The following ZNF318 variants were observed in gnomAD, a reference collection of about 807,000 sequenced individuals.
The protein encoded by ZNF318 is zinc finger protein 318.
Under a neutral mutation model 124.2 loss-of-function variants are expected in ZNF318, and 51 were observed. The observed-to-expected ratio is 0.41, with a 90% confidence interval of 0.33 to 0.52. The LOEUF (loss-of-function observed/expected upper bound fraction) is 0.52. Among genes scored for constraint, ZNF318 ranks in the 20% least tolerant of loss-of-function variants. The pLI, the probability that ZNF318 is intolerant of heterozygous loss-of-function variation, is 0.23. For missense variants in ZNF318, 2,815 were observed against 2,811.2 expected (o/e 1.00, Z -0.03); for synonymous variants, 1,090 against 1,040.7 (o/e 1.05, Z -0.91).
chr6:43,364,049 C>G (rs1016949519), intron 2 of ZNF318: 88 of 998,610 alleles, frequency 8.8e-5, no homozygotes, highest in Admixed American at 4.1e-4. Context: ...GCCCAAGAAG[C>G]TGCTCATGAT....
intron 6 of ZNF318, among the ~76,000 whole-genome samples, chr6:43,346,988 G>A (rs190187596): frequency 2.4e-4 from 37 of 152,224 alleles, no homozygotes; most frequent in Non-Finnish European, 4.6e-4. Context: ...TATAAAATCA[G>A]ATCTGTCATA....
Position 43,337,295 on chromosome 6 carries a change from A to C in ZNF318, c.6703T>G (p.Leu2235Val). 1 of 1,614,078 alleles carries C rather than the reference A, an allele frequency of 6.2e-7. No homozygotes were observed. Among genetic ancestry groups the C allele is most frequent in the Non-Finnish European group, 8.5e-7 (1 of 1,180,014 alleles). ...VDDDSGDPLNLVKAPVSRSPP... is the reference protein window; with the variant it reads ...VDDDSGDPLNVVKAPVSRSPP... ...GACCTTGACACTGGAGCTTTAACCA[A>C]ATTCAGAGGGTCGCCACTGTCATCA... Residue 2235 changes from leucine (L) to valine (V), a missense_variant, in exon 10 of 10, where the codon TTG becomes GTG. Physicochemically the swap from Leu to Val is conservative, Grantham distance 32. Around this residue, in one of 4 missense-constraint regions of ZNF318, gnomAD observed 927 missense variants for 820.6 expected, o/e 1.13. Coordinates refer to ENST00000361428, the MANE Select transcript of ZNF318 (RefSeq NM_014345.3).
intron 6 of ZNF318, among the ~76,000 whole-genome samples, chr6:43,346,330 A>AAT (rs1779442753): frequency 6.6e-6 from 1 of 152,020 alleles, no homozygotes; most frequent in African/African-American, 2.4e-5. Flanking sequence ...AAAATATAAA[A>AAT]ATTAGCCGGG....
intron 1 of ZNF318, 135 bp downstream of exon 1, chr6:43,368,832 G>A: frequency 8.1e-7 from 1 of 1,233,714 alleles, no homozygotes; most frequent in Non-Finnish European, 1.0e-6. Flanking sequence ...CTCCAGGCTC[G>A]GCATCCCCGA....
In ZNF318 at chr6:43,357,853, G is replaced by A. The variant is rs574071187; in HGVS notation, c.549-88C>T. The A allele has an allele frequency of 1.2e-5, 15 of 1,201,922 alleles. No homozygotes were observed. In the East Asian group the frequency reaches 3.0e-4, roughly 24 times the overall value. The allele number at this position is 1,201,922 out of a possible 1,614,324, so 74.5% of individuals were successfully genotyped here. A position where few individuals can be genotyped will look rare whatever the true frequency, so the allele number is the denominator to read the frequency against. On this transcript the variant is annotated intron_variant, in intron 2 of 9. Coordinates refer to ENST00000361428, the MANE Select transcript of ZNF318 (RefSeq NM_014345.3). ...TAAGAGACTGGTGTTTGTCAAGGGG[G>A]CTATAAAATGCTTAGGGCAAAAGAC...
At chr6:43,341,574 C>T (rs1287079476) in intron 8 of ZNF318, among the ~76,000 whole-genome samples, 2 of 151,474 alleles carry the variant, frequency 1.3e-5, no homozygotes, top group Admixed American at 1.3e-4. Flanking sequence ...GGGGTGAACC[C>T]GGGAGGCGGG....
Position 43,369,082 on chromosome 6 carries a change from C to G in ZNF318, c.284G>C (p.Gly95Ala). Residue 95 changes from glycine to alanine, a missense_variant, in exon 1 of 10, where the codon GGC becomes GCC. Coordinates refer to ENST00000361428, the MANE Select transcript of ZNF318 (RefSeq NM_014345.3). ...ARRGSPSPPR[G>A]RRLFPPGPAG... The stretch of plus-strand genomic sequence containing the variant: ...CGGGCCCGGCGGGAAGAGTCGTCGG[C>G]CCCGCGGTGGCGACGGGGAGCCGCG... 7.8e-7 allele frequency: 1 copy of G among 1,279,096 alleles called. No homozygotes were observed. The highest frequency in any genetic ancestry group is 3.1e-5 in the East Asian group (1 of 31,894). The allele number at this position is 1,279,096 out of a possible 1,614,324, so 79.2% of individuals were successfully genotyped here. A position where few individuals can be genotyped will look rare whatever the true frequency, so the allele number is the denominator to read the frequency against.
At chr6:43,342,931 T>C in intron 6 of ZNF318, 52 bp from the exon 7 acceptor site, 1 of 1,463,996 alleles carries the variant, frequency 6.8e-7, no homozygotes, top group Non-Finnish European at 9.3e-7. Context: ...TCTAGACTTG[T>C]CTTCTGTTAG....
intron 6 of ZNF318, among the ~76,000 whole-genome samples, chr6:43,343,130 A>G (rs957095423): frequency 2.0e-5 from 3 of 152,212 alleles, no homozygotes; most frequent in Non-Finnish European, 4.4e-5. Flanking sequence ...ATATCCTAAA[A>G]TATCTCTAGA....
chr6:43,365,747 G>A (rs1487647344), intron 1 of ZNF318, among the ~76,000 whole-genome samples: 3 of 152,182 alleles, frequency 2.0e-5, no homozygotes, highest in African/African-American at 7.2e-5. Flanking sequence ...CTGCACCACA[G>A]CACTTCAGCC....
Position 43,348,181 on chromosome 6 carries a change from G to A in ZNF318, c.3072+143C>T, listed in dbSNP as rs546219585. On this transcript the variant is annotated intron_variant, in intron 6 of 9. Coordinates refer to ENST00000361428, the MANE Select transcript of ZNF318 (RefSeq NM_014345.3). Reference sequence around the variant, plus strand: ...AACTATGCTGAAATTCTGAAGAGGAGTACCACACTCTGATCTATACTGTAA... The same window carrying A: ...AACTATGCTGAAATTCTGAAGAGGAATACCACACTCTGATCTATACTGTAA... The A allele has an allele frequency of 3.3e-5, 27 of 816,034 alleles. No individual in the cohort carries two copies. In the South Asian group the frequency reaches 3.9e-4, roughly 12 times the overall value. 50.5% of individuals were successfully genotyped at this position (816,034 alleles called of 1,614,324 possible). A position where few individuals can be genotyped will look rare whatever the true frequency, so the allele number is the denominator to read the frequency against.
intron 9 of ZNF318, 133 bp from the exon 10 acceptor site, chr6:43,340,635 T>C (rs1234983953): frequency 4.7e-6 from 7 of 1,497,766 alleles, no homozygotes; most frequent in African/African-American, 1.4e-5. Context: ...CGGGATGCTA[T>C]CTGCTGAGCA....
chr6:43,341,322 T>C (rs1448869018), intron 8 of ZNF318, among the ~76,000 whole-genome samples: 2 of 152,224 alleles, frequency 1.3e-5, no homozygotes, highest in African/African-American at 2.4e-5. Context: ...CTCAAGGGTA[T>C]AGTAGCAGCA....
At chr6:43,345,997 G>T (rs544461595) in intron 6 of ZNF318, among the ~76,000 whole-genome samples, 3 of 151,884 alleles carry the variant, frequency 2.0e-5, no homozygotes, top group Non-Finnish European at 4.4e-5. Context: ...GAGGTCAGGA[G>T]TTCGAGACCA....
Position 43,337,321 on chromosome 6 carries a change from T to A in ZNF318, c.6677A>T (p.Asp2226Val). 6.2e-7 allele frequency: 1 copy of A among 1,614,190 alleles called. No individual in the cohort carries two copies. The change falls in exon 10 of 10, where the codon GAT becomes GTT. Residue 2226 changes from aspartate to valine, a missense_variant. Physicochemically the swap from Asp to Val is radical, Grantham distance 152. Transcript: ENST00000361428. ...STTEVAILQVDDDSGDPLNLV... is the reference protein window; with the variant it reads ...STTEVAILQVVDDSGDPLNLV... ...ATTCAGAGGGTCGCCACTGTCATCA[T>A]CTACTTGCAGAATTGCCACCTCTGT... is the stretch of plus-strand genomic sequence containing the variant.
chr6:43,366,964 G>A (rs2150758816), intron 1 of ZNF318, among the ~76,000 whole-genome samples: 1 of 151,902 alleles, frequency 6.6e-6, no homozygotes, highest in South Asian at 2.1e-4. Flanking sequence ...CCATTCTCCT[G>A]CCTCAGCCTC....
rs1358382238 is a variant in ZNF318, at chr6:43,339,192, G to C, written c.4806C>G (p.Ser1602Arg). 6.2e-7 allele frequency: 1 copy of C among 1,614,168 alleles called. No homozygotes were observed. Among genetic ancestry groups the C allele is most frequent in the Admixed American group, 1.7e-5 (1 of 60,010 alleles). The change falls in exon 10 of 10, where the codon AGC becomes AGG. Residue 1602 changes from serine to arginine, a missense_variant. Transcript: ENST00000361428. The surrounding 1 kb of genome is among the most constrained non-coding windows in gnomAD (Gnocchi z 4.2). ...SGGPLANGENSNLSRTKSSDT... is the reference protein window; with the variant it reads ...SGGPLANGENRNLSRTKSSDT... ...CTGAACTTTTGGTTCTAGAGAGGTTGCTATTTTCCCCATTGGCCAATGGAC... is the reference window on the plus strand; with the variant it reads ...CTGAACTTTTGGTTCTAGAGAGGTTCCTATTTTCCCCATTGGCCAATGGAC...
intron 2 of ZNF318, among the ~76,000 whole-genome samples, chr6:43,358,803 G>A (rs903923843): frequency 1.3e-5 from 2 of 152,080 alleles, no homozygotes; most frequent in Non-Finnish European, 2.9e-5. Flanking sequence ...TGATCTGCCC[G>A]CCTCAGCCTC....
chr6:43,342,269 T>C, intron 7 of ZNF318, 58 bp from the exon 8 acceptor site: 1 of 1,385,860 alleles, frequency 7.2e-7, no homozygotes, highest in South Asian at 1.3e-5. Context: ...ATGACCCACT[T>C]TTCTCTTTTT....
Sources: allele counts gnomAD v4.1 joint callset (sites outside exome capture counted in the v4.1 genomes callset), GRCh38; gene constraint gnomAD v4.1.1; regional missense constraint gnomAD v4.1.1; non-coding constraint Gnocchi (gnomAD v3.1); transcripts MANE v1.5; gene names NCBI Gene and HGNC (gene_info 2026-07-23, HGNC 2026-07-21).